Variants in DCAKD observed in about 807,000 individuals in gnomAD.
The protein encoded by DCAKD is dephospho-CoA kinase domain-containing protein.
A neutral mutation model predicts 18.7 loss-of-function variants in DCAKD; 15 were observed. That is an observed-to-expected ratio of 0.80 (90% CI 0.54 to 1.24). The LOEUF (loss-of-function observed/expected upper bound fraction) is 1.24, where lower values mean the gene tolerates loss of function less well. Among genes scored for constraint, DCAKD ranks in the 50% most tolerant of loss-of-function variants. DCAKD has a pLI of 0.00. For synonymous variants in DCAKD, 130 were observed against 133.0 expected, an observed-to-expected ratio of 0.98 and a Z score of 0.16; for missense variants, 301 against 322.0, an observed-to-expected ratio of 0.93 and a Z score of 0.50.
chr17:45,046,324 G>T (rs1222551277), intron 1 of DCAKD, among the ~76,000 whole-genome samples: 1 of 152,030 alleles, frequency 6.6e-6, no homozygotes, highest in Non-Finnish European at 1.5e-5. Flanking sequence ...GAAGTTAAAA[G>T]AAGTTCTGGC....
chr17:45,023,957 C>T lies in DCAKD; in HGVS notation c.*476G>A, dbSNP rs1331117693. On this transcript the variant is annotated 3_prime_UTR_variant, in exon 5 of 5. Transcript: ENST00000651974. ...GGGAGGGCCTTGTTGACTGTTTGAA[C>T]ATGGAAACCCTTGGTCCAACATGAT... 6.5e-6 allele frequency: 1 copy of T among 154,404 alleles called. No homozygotes were observed. The highest frequency in any genetic ancestry group is 1.4e-5 in the Non-Finnish European group (1 of 69,418). 9.6% of individuals were successfully genotyped at this position (154,404 alleles called of 1,614,324 possible).
chr17:45,060,331 C>T (rs1446208159), intron 1 of DCAKD, among the ~76,000 whole-genome samples: 5 of 151,932 alleles, frequency 3.3e-5, no homozygotes, highest in African/African-American at 2.4e-5. Flanking sequence ...CGAGACCAGC[C>T]TGGGCAACAA....
Position 45,034,296 on chromosome 17 carries a change from C to G in DCAKD, c.207G>C (p.Leu69=), listed in dbSNP as rs181186960. 2.3e-5 allele frequency: 37 copies of G among 1,614,186 alleles called. No homozygotes were observed. The highest frequency in any genetic ancestry group is 8.3e-5 in the Admixed American group (5 of 60,028). The stretch of plus-strand genomic sequence containing the variant: ...CAGGCTGGTTAAAGATCAGGTCCCC[C>G]AGGACCTTGCGATTTATGTCGCCGT... ...LENGDINRKV[L]GDLIFNQPDR... Residue 69 remains leucine, a synonymous_variant, in exon 3 of 5, where the codon CTG becomes CTC. Transcript: ENST00000651974.
intron 2 of DCAKD, 96 bp downstream of exon 2, chr17:45,034,678 C>T (rs993195519): frequency 2.5e-5 from 33 of 1,312,226 alleles, no homozygotes; most frequent in Non-Finnish European, 3.4e-5. Flanking sequence ...GGAGCCTTCC[C>T]CTCCTCTGAG....
intron 4 of DCAKD, 99 bp downstream of exon 4, chr17:45,029,993 G>T: frequency 9.0e-7 from 1 of 1,108,062 alleles, no homozygotes; most frequent in Non-Finnish European, 1.4e-6. Flanking sequence ...ATGCCTCTTG[G>T]CCGCCCCGTG....
upstream of DCAKD, chr17:45,054,079 A>G (rs1372002099): frequency 1.9e-6 from 1 of 518,790 alleles, no homozygotes; most frequent in African/African-American, 1.9e-5. Flanking sequence ...TGACTTCAAC[A>G]GTCAAGGAGA....
At position 45,058,531 on chromosome 17, in the gene DCAKD, C is replaced by A. The variant is rs567187582; in HGVS notation, c.-118+2357G>T. On this transcript the variant is annotated intron_variant, in intron 1 of 4. Coordinates refer to the DCAKD transcript ENST00000310604. ...GCCTCCCAGGTTCAAAAGATTCTCG[C>A]GTCTCAGCCTCCCAAGTAGCTGGGA... is the stretch of plus-strand genomic sequence containing the variant. 2.0e-5 allele frequency among the ~76,000 whole-genome samples: 3 copies of A among 151,874 alleles called. No homozygotes were observed. The East Asian group carries it at 5.9e-4, about 30-fold the overall frequency.
At chr17:45,036,831 C>T (rs1455514675) in intron 1 of DCAKD, among the ~76,000 whole-genome samples, 2 of 152,202 alleles carry the variant, frequency 1.3e-5, no homozygotes. Context: ...GTCTCTCCCA[C>T]CCTTCCTTCA....
intron 1 of DCAKD, among the ~76,000 whole-genome samples, chr17:45,042,057 A>G (rs929056478): frequency 1.3e-5 from 2 of 151,988 alleles, no homozygotes; most frequent in African/African-American, 4.8e-5. Context: ...TGGAGGCTGC[A>G]GTGAGCCATG....
chr17:45,024,853 C>G, intron 4 of DCAKD, 129 bp from the exon 5 acceptor site: 7 of 1,219,956 alleles, frequency 5.7e-6, no homozygotes, highest in Non-Finnish European at 7.7e-6. Flanking sequence ...CCAACCCTAC[C>G]CTGCTCTGGG....
chr17:45,029,698 TC>T lies in DCAKD; in HGVS notation c.404+393del, dbSNP rs1288067590. On this transcript the variant is annotated intron_variant, in intron 4 of 4. Coordinates refer to ENST00000651974, the MANE Select transcript of DCAKD (RefSeq NM_001288655.2). ...AACTGCCCCCTCTTTAATTTTATCT[TC>T]AGTAATAGGAATATCAACACCTGTC... 2.0e-5 allele frequency among the ~76,000 whole-genome samples: 3 copies of T among 152,066 alleles called. No individual in the cohort carries two copies. In the East Asian group the frequency reaches 5.8e-4, roughly 29 times the overall value.
chr17:45,040,294 G>A (rs1326151888), intron 1 of DCAKD, among the ~76,000 whole-genome samples: 1 of 151,474 alleles, frequency 6.6e-6, no homozygotes, highest in Non-Finnish European at 1.5e-5. Context: ...GACTGAGGCA[G>A]GAGAATTGCT....
intron 1 of DCAKD, among the ~76,000 whole-genome samples, chr17:45,040,092 C>T (rs1399873454): frequency 1.5e-5 from 2 of 135,106 alleles, no homozygotes; most frequent in East Asian, 2.0e-4. Context: ...GAGACTCCAT[C>T]TCAAAAAAAA....
upstream of DCAKD, among the ~76,000 whole-genome samples, chr17:45,052,993 G>A (rs1043000134): frequency 3.3e-5 from 5 of 149,652 alleles, no homozygotes; most frequent in Non-Finnish European, 5.9e-5. Context: ...GCAAAATCCC[G>A]TCTCTACTAA....
At position 45,030,136 on chromosome 17, in the gene DCAKD, G is replaced by C; in HGVS notation, c.360C>G (p.Thr120=). ...GCTTCATGTACTTGAGCAACTTCTT[G>C]GTCTCAAACAGCAGGGGGATATCCA... ...VILDIPLLFE[T]KKLLKYMKHT... The change falls in exon 4 of 5, where the codon ACC becomes ACG. Residue 120 remains threonine (T), a synonymous_variant. Coordinates refer to ENST00000651974, the MANE Select transcript of DCAKD (RefSeq NM_001288655.2). 6.2e-7 allele frequency: 1 copy of C among 1,614,120 alleles called. No individual in the cohort carries two copies. The highest frequency in any genetic ancestry group is 8.5e-7 in the Non-Finnish European group (1 of 1,180,020).
At chr17:45,055,113 A>G (rs1222256730), upstream of DCAKD, among the ~76,000 whole-genome samples, 2 of 152,154 alleles carry the variant, frequency 1.3e-5, no homozygotes, top group Non-Finnish European at 2.9e-5. Context: ...GATGCCATCA[A>G]GGGCTTTTTC....
intron 1 of DCAKD, among the ~76,000 whole-genome samples, chr17:45,036,021 G>C (rs1320685411): frequency 6.6e-6 from 1 of 152,200 alleles, no homozygotes; most frequent in Non-Finnish European, 1.5e-5. Context: ...AGGCCAGGAG[G>C]CTGGGCGATG....
At chr17:45,058,040 C>T (rs973128859) in intron 1 of DCAKD, among the ~76,000 whole-genome samples, 7 of 128,990 alleles carry the variant, frequency 5.4e-5, no homozygotes, top group Non-Finnish European at 6.4e-5. Flanking sequence ...AAAGCCTGGG[C>T]GTGGTGGCTC....
At chr17:45,055,760 T>G (rs12603474), upstream of DCAKD, among the ~76,000 whole-genome samples, 15,800 of 152,188 alleles carry the variant, frequency 0.1, 952 homozygotes, top group Middle Eastern at 0.18. Context: ...TACCCCTGAC[T>G]CTCCAGTTCC....
Sources: allele counts gnomAD v4.1 joint callset (sites outside exome capture counted in the v4.1 genomes callset), GRCh38; gene constraint gnomAD v4.1.1; transcripts MANE v1.5; gene names NCBI Gene and HGNC (gene_info 2026-07-23, HGNC 2026-07-21).